Variants in GNG4 observed in about 807,000 individuals in gnomAD.
GNG4 encodes guanine nucleotide-binding protein G(I)/G(S)/G(O) subunit gamma-4.
GNG4 carries 4 observed loss-of-function variants against 5.8 expected under a neutral mutation model. That is an observed-to-expected ratio of 0.69 (90% CI 0.34 to 1.57). GNG4 has a LOEUF of 1.57. Ranked by LOEUF, GNG4 falls within the 40% of genes most tolerant of loss-of-function variation. GNG4 has a pLI of 0.06. For missense variants in GNG4, 96 were observed against 95.1 expected, an observed-to-expected ratio of 1.01 and a Z score of -0.04; for synonymous variants, 29 against 32.9, an observed-to-expected ratio of 0.88 and a Z score of 0.41.
intron 1 of GNG4, among the ~76,000 whole-genome samples, chr1:235,643,874 C>A (rs1657426686): frequency 6.6e-6 from 1 of 152,218 alleles, no homozygotes; most frequent in Non-Finnish European, 1.5e-5. Flanking sequence ...AACCCTAGCA[C>A]AAGGAGAGGG....
intron 2 of GNG4, among the ~76,000 whole-genome samples, chr1:235,593,889 G>A (rs2774321): frequency 0.37 from 56,597 of 151,922 alleles, 11,333 homozygotes; most frequent in East Asian, 0.79. Context: ...TTGTTGCAAA[G>A]AGCAAAAGAA....
rs553482990 is a variant in GNG4 at position 235,592,304 on chromosome 1, G to A, written c.-11+3096C>T. 1.4e-3 allele frequency among the ~76,000 whole-genome samples: 213 copies of A among 152,240 alleles called. 2 individuals carry two copies. Among genetic ancestry groups the A allele is most frequent in the Non-Finnish European group, 9.9e-4 (67 of 68,018 alleles). On this transcript the variant is annotated intron_variant, in intron 2 of 3. Transcript: ENST00000391854. The stretch of plus-strand genomic sequence containing the variant: ...GTGGATCACTTGAGATCAGGAGTTC[G>A]AGGCCAGCCTGGCCAACATGGTGAA...
At chr1:235,572,010 A>G (rs1687355211) in intron 3 of GNG4, among the ~76,000 whole-genome samples, 1 of 150,732 alleles carries the variant, frequency 6.6e-6, no homozygotes, top group Non-Finnish European at 1.5e-5. Flanking sequence ...ACTTTTTTGA[A>G]TTTTTAGTAG....
At chr1:235,606,152 G>T (rs958566302) in intron 1 of GNG4, among the ~76,000 whole-genome samples, 3 of 151,944 alleles carry the variant, frequency 2.0e-5, no homozygotes, top group African/African-American at 7.3e-5. Context: ...GACCGAGGTG[G>T]GCGGATCATG....
chr1:235,592,842 T>G (rs1393469150), intron 2 of GNG4, among the ~76,000 whole-genome samples: 6 of 152,196 alleles, frequency 3.9e-5, no homozygotes, highest in African/African-American at 1.4e-4. Context: ...TCCTCCTTGC[T>G]TGGTGCCCAG....
chr1:235,648,399 C>CT lies in GNG4; in HGVS notation c.-123+1262dup, dbSNP rs1657567520. Among the ~76,000 whole-genome samples, 1 of 152,236 alleles carries CT rather than the reference C, an allele frequency of 6.6e-6. No homozygotes were observed. The highest frequency in any genetic ancestry group is 2.1e-4 in the South Asian group (1 of 4,832). The stretch of plus-strand genomic sequence containing the variant: ...AAAAACAATCCAGTTTATAGGTCCT[C>CT]TGTCTGTTTCTCCGGGCTGGAAAAG... On this transcript the variant is annotated intron_variant, in intron 1 of 3. Transcript: ENST00000391854. This position sits in a 1 kb window ranked among gnomAD's most constrained non-coding sequence, Gnocchi z 5.0.
Position 235,644,806 on chromosome 1 carries a change from G to A in GNG4, c.-123+4856C>T, listed in dbSNP as rs1278092725. 6.6e-6 allele frequency among the ~76,000 whole-genome samples: 1 copy of A among 152,192 alleles called. No homozygotes were observed. The highest frequency in any genetic ancestry group is 1.5e-5 in the Non-Finnish European group (1 of 68,012). On this transcript the variant is annotated intron_variant, in intron 1 of 3. Transcript: ENST00000391854. This position sits in a 1 kb window ranked among gnomAD's most constrained non-coding sequence, Gnocchi z 5.9. ...TGTGCAGGGCGGGTACCCCAGAGCC[G>A]CAGGGCAGGGCAGATGGCTCCTCAG... is the stretch of plus-strand genomic sequence containing the variant.
At position 235,642,329 on chromosome 1, in the gene GNG4, G is replaced by A. The variant is rs1471423674; in HGVS notation, c.-123+7333C>T. On this transcript the variant is annotated intron_variant, in intron 1 of 3. Transcript: ENST00000391854. This position sits in a 1 kb window ranked among gnomAD's most constrained non-coding sequence, Gnocchi z 4.3. Reference sequence around the variant, plus strand: ...CCACTGGTGCTTGGGGGTGGGAAAAGAGTGACCGGGGGCAACTGAGCAAAA... The same window carrying A: ...CCACTGGTGCTTGGGGGTGGGAAAAAAGTGACCGGGGGCAACTGAGCAAAA... Among the ~76,000 whole-genome samples the A allele has an allele frequency of 1.3e-5, 2 of 152,190 alleles. No individual in the cohort carries two copies.
intron 1 of GNG4, among the ~76,000 whole-genome samples, chr1:235,620,491 TG>T (rs1688686768): frequency 6.6e-6 from 1 of 152,246 alleles, no homozygotes; most frequent in Admixed American, 6.5e-5. Context: ...CAGCTTTGCC[TG>T]GTGAGTTGGA....
intron 2 of GNG4, among the ~76,000 whole-genome samples, chr1:235,593,169 G>C (rs995307607): frequency 1.3e-5 from 2 of 152,128 alleles, no homozygotes; most frequent in Admixed American, 6.5e-5. Context: ...GGCTGATCTT[G>C]AACTCCTGAC....
intron 1 of GNG4, among the ~76,000 whole-genome samples, chr1:235,599,939 C>A (rs115945306): frequency 2.0e-5 from 3 of 152,096 alleles, no homozygotes; most frequent in Admixed American, 6.6e-5. Flanking sequence ...TTCCATCCAA[C>A]GCTTGAAATG....
chr1:235,555,679 TA>T (rs59029355), intron 3 of GNG4, among the ~76,000 whole-genome samples: 132 of 127,414 alleles, frequency 1.0e-3, no homozygotes, highest in Admixed American at 1.4e-3. Flanking sequence ...ACCCTGTCTC[TA>T]AAAAAAAAAA....
At chr1:235,586,866 G>A (rs1182350263) in intron 2 of GNG4, among the ~76,000 whole-genome samples, 4 of 152,128 alleles carry the variant, frequency 2.6e-5, no homozygotes, top group African/African-American at 9.7e-5. Context: ...AAATTACCCA[G>A]TATCAAGTAT....
chr1:235,598,256 T>C (rs949593309), intron 1 of GNG4, among the ~76,000 whole-genome samples: 45 of 152,184 alleles, frequency 3.0e-4, no homozygotes, highest in Non-Finnish European at 8.8e-5. Flanking sequence ...CACTGCTCTA[T>C]AGGCAACCAG....
At chr1:235,608,235 C>A (rs1476263007) in intron 1 of GNG4, among the ~76,000 whole-genome samples, 2 of 152,128 alleles carry the variant, frequency 1.3e-5, no homozygotes, top group African/African-American at 4.8e-5. Context: ...TGCACCTGGC[C>A]AGGAAATGCT....
At chr1:235,602,037 C>T (rs1196599158) in intron 1 of GNG4, among the ~76,000 whole-genome samples, 6 of 152,054 alleles carry the variant, frequency 3.9e-5, no homozygotes, top group Non-Finnish European at 7.4e-5. Context: ...TTTGGGAGGC[C>T]GAGGCGGGTG....
chr1:235,643,362 GT>G (rs1355020117), intron 1 of GNG4, among the ~76,000 whole-genome samples: 8 of 152,134 alleles, frequency 5.3e-5, no homozygotes, highest in Non-Finnish European at 7.3e-5. Context: ...GACTCCCTCT[GT>G]TGTCACACGC....
chr1:235,587,919 A>AGTGTAC lies in GNG4; in HGVS notation c.-10-4072_-10-4071insGTACAC, dbSNP rs71174444. On this transcript the variant is annotated intron_variant, in intron 2 of 3. Coordinates refer to ENST00000391854, the MANE Select transcript of GNG4 (RefSeq NM_001098722.2). ...TCTGGAGTGTGAGTGTGTGGGTATA[A>AGTGTAC]GTGTGAGTCCTTGAGGATGTGTGCA... Among the ~76,000 whole-genome samples, 490 of 150,014 alleles carry AGTGTAC rather than the reference A, an allele frequency of 3.3e-3. 2 individuals are homozygous for AGTGTAC. The highest frequency in any genetic ancestry group is 0.011 in the African/African-American group (451 of 40,648).
At chr1:235,584,540 C>G (rs1571894411) in intron 2 of GNG4, among the ~76,000 whole-genome samples, 1 of 151,772 alleles carries the variant, frequency 6.6e-6, no homozygotes, top group Non-Finnish European at 1.5e-5. Context: ...AACACACACT[C>G]TCTCTCTCTT....
Sources: allele counts gnomAD v4.1 joint callset (sites outside exome capture counted in the v4.1 genomes callset), GRCh38; gene constraint gnomAD v4.1.1; non-coding constraint Gnocchi (gnomAD v3.1); transcripts MANE v1.5; gene names NCBI Gene and HGNC (gene_info 2026-07-23, HGNC 2026-07-21).